Variants in NKD2 observed in about 807,000 individuals in gnomAD.
NKD2 encodes the protein NKD inhibitor of Wnt signaling pathway 2, also known as protein naked cuticle homolog 2.
In NKD2, 43 loss-of-function variants were observed where a neutral mutation model predicts 34.8. The observed-to-expected ratio is 1.24, with a 90% CI of 0.97 to 1.60. NKD2 has a LOEUF of 1.60. Ranked by LOEUF, NKD2 falls within the 40% of genes most tolerant of loss-of-function variation. NKD2 has a pLI of 0.00. For missense variants in NKD2, 675 were observed against 627.1 expected, an observed-to-expected ratio of 1.08 and a Z score of -0.82; for synonymous variants, 278 against 265.1, an observed-to-expected ratio of 1.05 and a Z score of -0.47.
In NKD2 at chr5:1,038,610, C is replaced by CA. The variant is rs1561004428; in HGVS notation, c.*238dup. ...CCTCGATGCCACATGGCGGTGAACA[C>CA]ATCTGAAGCCACTATGTTTCCTGGC... On this transcript the variant is annotated 3_prime_UTR_variant, in exon 10 of 10. Transcript: ENST00000296849. This position sits in a 1 kb window ranked among gnomAD's most constrained non-coding sequence, Gnocchi z 4.5. The CA allele has an allele frequency of 7.8e-6, 6 of 766,302 alleles. No homozygotes were observed. Among genetic ancestry groups the CA allele is most frequent in the Non-Finnish European group, 8.7e-6 (4 of 457,246 alleles). 47.5% of individuals were successfully genotyped at this position (766,302 alleles called of 1,614,324 possible).
rs749362870 is a variant in NKD2, at chr5:1,037,951, C to A, written c.934C>A (p.Pro312Thr). The A allele has an allele frequency of 1.2e-6, 2 of 1,606,208 alleles. No individual in the cohort carries two copies. Among genetic ancestry groups the A allele is most frequent in the African/African-American group, 1.3e-5 (1 of 74,898 alleles). The change falls in exon 10 of 10, where the codon CCT (proline) becomes ACT (threonine). Residue 312 changes from proline (P) to threonine (T), a missense_variant. Transcript: ENST00000296849. ...LVEHVVPASE[P>T]AARALDTQPR... ...GGAACACGTCGTGCCAGCCTCGGAG[C>A]CTGCTGCCCGGGCCCTGGACACGCA...
intron 3 of NKD2, among the ~76,000 whole-genome samples, chr5:1,030,657 T>A (rs1756610667): frequency 6.6e-6 from 1 of 152,178 alleles, no homozygotes; most frequent in Non-Finnish European, 1.5e-5. Flanking sequence ...GCTGTGTGGA[T>A]GTACAAAGGC....
chr5:1,027,122 C>T (rs1756449213), intron 3 of NKD2, among the ~76,000 whole-genome samples: 1 of 152,268 alleles, frequency 6.6e-6, no homozygotes, highest in African/African-American at 2.4e-5. Flanking sequence ...TCGAGAGCCA[C>T]TGCTTGACCT....
At chr5:1,036,062 C>T (rs1234399495) in intron 8 of NKD2, 195 bp from the exon 9 acceptor site, 23 of 1,287,542 alleles carry the variant, frequency 1.8e-5, no homozygotes, top group Admixed American at 1.8e-4. Context: ...TTCTGGGGGT[C>T]GGCTGTGACC....
intron 9 of NKD2, among the ~76,000 whole-genome samples, chr5:1,037,209 C>G (rs1346766594): frequency 1.3e-5 from 2 of 152,156 alleles, no homozygotes; most frequent in Non-Finnish European, 2.9e-5. Context: ...GATTCTTGTA[C>G]CAAAGCCCAG....
chr5:1,023,894 T>C (rs369474052), intron 3 of NKD2, among the ~76,000 whole-genome samples: 10 of 1,852 alleles, frequency 5.4e-3, no homozygotes, highest in Admixed American at 0.019. Context: ...CTCTTCCCAC[T>C]CTCTGTGGGC....
chr5:1,026,611 G>C (rs1177960554), intron 3 of NKD2, among the ~76,000 whole-genome samples: 1 of 151,926 alleles, frequency 6.6e-6, no homozygotes, highest in African/African-American at 2.4e-5. Context: ...ACCCACTGTG[G>C]GTGTCCCAGC....
At chr5:1,026,491 G>A (rs1442602556) in intron 3 of NKD2, among the ~76,000 whole-genome samples, 1 of 104,214 alleles carries the variant, frequency 9.6e-6, no homozygotes, top group Admixed American at 1.1e-4. Context: ...TGCTGTGGGC[G>A]TCTCAGCCCA....
chr5:1,031,165 C>T lies in NKD2; in HGVS notation c.142-987C>T, dbSNP rs372814573. Among the ~76,000 whole-genome samples the T allele has an allele frequency of 1.6e-4, 24 of 152,242 alleles. No homozygotes were observed. The East Asian group carries it at 3.9e-3, about 25-fold the overall frequency. ...GCCAGACTCCAGGAACCCCAGGGACCCCGGCAGGGCAGACAGCCCCATAGG... is the reference window on the plus strand; with the variant it reads ...GCCAGACTCCAGGAACCCCAGGGACTCCGGCAGGGCAGACAGCCCCATAGG... On this transcript the variant is annotated intron_variant, in intron 3 of 9. Coordinates refer to ENST00000296849, the MANE Select transcript of NKD2 (RefSeq NM_033120.4).
At chr5:1,020,165 G>A (rs1756116715) in intron 3 of NKD2, among the ~76,000 whole-genome samples, 1 of 152,180 alleles carries the variant, frequency 6.6e-6, no homozygotes, top group African/African-American at 2.4e-5. Flanking sequence ...TTGTGAAATG[G>A]TTGTCTAACA....
chr5:1,035,053 T>C lies in NKD2; in HGVS notation c.574+150T>C, dbSNP rs920983948. On this transcript the variant is annotated intron_variant, in intron 7 of 9. Coordinates refer to ENST00000296849, the MANE Select transcript of NKD2 (RefSeq NM_033120.4). ...GTGAGTGAATGAGTAAGTGGGTGAG[T>C]GAGTGAGAGAGTAAGTGGGTGAGTA... 168 of 715,188 alleles carry C rather than the reference T, an allele frequency of 2.3e-4. 1 individual carries two copies. Among genetic ancestry groups the C allele is most frequent in the Non-Finnish European group, 1.5e-4 (64 of 435,804 alleles). The allele number at this position is 715,188 out of a possible 1,614,324, so 44.3% of individuals were successfully genotyped here.
chr5:1,013,867 CTG>C (rs1755850685), intron 3 of NKD2, among the ~76,000 whole-genome samples: 1 of 152,212 alleles, frequency 6.6e-6, no homozygotes, highest in Non-Finnish European at 1.5e-5. Context: ...GTGTCGGCCC[CTG>C]TGTCTGTGAA....
chr5:1,037,921 C>T lies in NKD2; in HGVS notation c.904C>T (p.Leu302=), dbSNP rs767864070. 4 of 1,607,448 alleles carry T rather than the reference C, an allele frequency of 2.5e-6. No individual in the cohort carries two copies. The highest frequency in any genetic ancestry group is 3.4e-6 in the Non-Finnish European group (4 of 1,179,442). Residue 302 remains leucine, a synonymous_variant, in exon 10 of 10, where the codon CTG becomes TTG. Coordinates refer to ENST00000296849, the MANE Select transcript of NKD2 (RefSeq NM_033120.4). ...HAVHHRRSQV[L]VEHVVPASEP... Reference sequence around the variant, plus strand: ...CGTACACCACCGCAGGTCACAGGTGCTGGTGGAACACGTCGTGCCAGCCTC... The same window carrying T: ...CGTACACCACCGCAGGTCACAGGTGTTGGTGGAACACGTCGTGCCAGCCTC...
intron 3 of NKD2, among the ~76,000 whole-genome samples, chr5:1,010,199 C>T (rs1451300849): frequency 2.7e-5 from 4 of 149,206 alleles, no homozygotes; most frequent in Non-Finnish European, 6.0e-5. Context: ...GAGCAGAGAA[C>T]TGTCCAGGTC....
At position 1,033,368 on chromosome 5, in the gene NKD2, CT is replaced by C; in HGVS notation, c.203-3del. 1 of 1,596,546 alleles carries C rather than the reference CT, an allele frequency of 6.3e-7. No individual in the cohort carries two copies. Among genetic ancestry groups the C allele is most frequent in the Non-Finnish European group, 8.5e-7 (1 of 1,172,264 alleles). ...AGCCCCTTCGCCTCCTCTTGTCCCC[CT>C]AGTGGCACTCCCCGCTGAGAAAGCT... is the stretch of plus-strand genomic sequence containing the variant. On this transcript the variant is annotated splice_region_variant and splice_polypyrimidine_tract_variant and intron_variant, in intron 4 of 9. Transcript: ENST00000296849.
At chr5:1,016,744 G>A (rs922116150) in intron 3 of NKD2, among the ~76,000 whole-genome samples, 3 of 152,202 alleles carry the variant, frequency 2.0e-5, no homozygotes, top group African/African-American at 7.2e-5. Flanking sequence ...CTTCCAGGAC[G>A]AGGCCTCTCA....
rs776076680 is a variant in NKD2, at chr5:1,034,747, G to A, written c.427-9G>A. On this transcript the variant is annotated splice_polypyrimidine_tract_variant and intron_variant, in intron 6 of 9. Transcript: ENST00000296849. The stretch of plus-strand genomic sequence containing the variant: ...CTGCTCTGTCAGTGAAACTGATGCC[G>A]GGCCCCAGGACATGTCCAGCCTCAT... The A allele has an allele frequency of 1.7e-5, 28 of 1,605,912 alleles. No homozygotes were observed. The highest frequency in any genetic ancestry group is 3.3e-5 in the Admixed American group (2 of 59,798).
chr5:1,027,479 GTCTC>G (rs1333910775), intron 3 of NKD2, among the ~76,000 whole-genome samples: 1 of 152,130 alleles, frequency 6.6e-6, no homozygotes, highest in Non-Finnish European at 1.5e-5. Context: ...CTTCCTCTCT[GTCTC>G]TCTCCTCCCT....
intron 3 of NKD2, among the ~76,000 whole-genome samples, chr5:1,023,987 G>A (rs1248488311): frequency 0.048 from 462 of 9,696 alleles, 117 homozygotes; most frequent in African/African-American, 0.052. Context: ...CGCTGTGGGT[G>A]TCCCAGCCCT....
Sources: gnomAD v4.1 joint callset for allele counts (sites outside exome capture counted in the v4.1 genomes callset) on GRCh38, gnomAD v4.1.1 for gene constraint, Gnocchi (gnomAD v3.1) non-coding constraint, MANE v1.5 for transcripts, NCBI Gene and HGNC (gene_info 2026-07-23, HGNC 2026-07-21) for gene names.